The following DGKG variants were observed in gnomAD, a reference collection of about 807,000 sequenced individuals.
The protein encoded by DGKG is DAG kinase gamma.
In DGKG, 78 loss-of-function variants were observed where a neutral mutation model predicts 105.3. The ratio of observed to expected loss-of-function variants is 0.74; its 90% confidence interval spans 0.62 to 0.89. The LOEUF (loss-of-function observed/expected upper bound fraction) is 0.89, where lower values mean the gene tolerates loss of function less well. Ranked by LOEUF, DGKG falls within the 40% of genes least tolerant of loss-of-function variation. DGKG has a pLI of 0.00. For missense variants in DGKG, 958 were observed against 1,020.1 expected (o/e 0.94, Z 0.83); for synonymous variants, 346 against 367.1 (o/e 0.94, Z 0.66).
chr3:186,171,438 G>C (rs1315989171), intron 22 of DGKG, among the ~76,000 whole-genome samples: 5 of 152,178 alleles, frequency 3.3e-5, no homozygotes, highest in African/African-American at 1.2e-4. Context: ...TACCAAAACA[G>C]ATGCTCAAGT....
chr3:186,156,532 C>A (rs9878637), intron 24 of DGKG, among the ~76,000 whole-genome samples: 1 of 151,720 alleles, frequency 6.6e-6, no homozygotes, highest in Admixed American at 6.6e-5. Flanking sequence ...TAATATCTTG[C>A]GAGAAGTTAT....
chr3:186,228,659 C>T (rs113274309), intron 20 of DGKG, among the ~76,000 whole-genome samples: 17 of 152,328 alleles, frequency 1.1e-4, no homozygotes, highest in African/African-American at 4.1e-4. Flanking sequence ...TTCTCCCATA[C>T]TGCTTCCCTC....
intron 1 of DGKG, among the ~76,000 whole-genome samples, chr3:186,336,085 C>T (rs929535035): frequency 3.3e-5 from 5 of 152,170 alleles, no homozygotes; most frequent in Admixed American, 3.3e-4. Context: ...ATGTCCCCTT[C>T]TTGGGCAGCC....
At chr3:186,262,773 C>T (rs548103756) in intron 14 of DGKG, among the ~76,000 whole-genome samples, 6 of 152,136 alleles carry the variant, frequency 3.9e-5, no homozygotes, top group African/African-American at 1.4e-4. Flanking sequence ...TGGGTCTGCT[C>T]GTGCTTGTTT....
At chr3:186,267,857 G>A (rs1722129994) in intron 12 of DGKG, 80 bp from the exon 13 acceptor site, 2 of 1,339,622 alleles carry the variant, frequency 1.5e-6, no homozygotes, top group South Asian at 2.4e-5. Flanking sequence ...GTTTGGGGGA[G>A]AGGTGAGCTG....
chr3:186,251,310 G>A (rs973804549), intron 19 of DGKG, among the ~76,000 whole-genome samples: 4 of 152,102 alleles, frequency 2.6e-5, no homozygotes, highest in Non-Finnish European at 4.4e-5. Flanking sequence ...GAGAGAATAG[G>A]AGAGAAGGAA....
chr3:186,292,763 G>A (rs916698591), intron 5 of DGKG, among the ~76,000 whole-genome samples: 10 of 151,838 alleles, frequency 6.6e-5, no homozygotes, highest in African/African-American at 1.5e-4. Context: ...AACTGCGATC[G>A]TGCCACTGCA....
chr3:186,188,125 G>A (rs752834789), intron 22 of DGKG, 77 bp downstream of exon 22: 19 of 1,539,108 alleles, frequency 1.2e-5, no homozygotes, highest in Non-Finnish European at 1.5e-5. Context: ...GGGGCCTTAC[G>A]AGGCCTGCTG....
intron 16 of DGKG, among the ~76,000 whole-genome samples, chr3:186,259,234 G>A (rs950626177): frequency 2.0e-5 from 3 of 152,190 alleles, no homozygotes; most frequent in Admixed American, 6.5e-5. Context: ...CACCTGGCTC[G>A]TCGTCTCAGA....
chr3:186,183,296 A>G (rs1298377155), intron 22 of DGKG, among the ~76,000 whole-genome samples: 1 of 152,140 alleles, frequency 6.6e-6, no homozygotes, highest in East Asian at 1.9e-4. Context: ...ATTTTCCTCA[A>G]CTATGAAATA....
At chr3:186,230,007 C>G (rs935328991) in intron 20 of DGKG, among the ~76,000 whole-genome samples, 7 of 152,220 alleles carry the variant, frequency 4.6e-5, no homozygotes, top group African/African-American at 1.7e-4. Context: ...CGCCTGTAAT[C>G]TCAGCACTTT....
chr3:186,235,459 G>T (rs1453316402), intron 20 of DGKG, among the ~76,000 whole-genome samples: 2 of 152,162 alleles, frequency 1.3e-5, no homozygotes, highest in Non-Finnish European at 2.9e-5. Flanking sequence ...GACTTTGATG[G>T]CAAGGATTTT....
intron 19 of DGKG, among the ~76,000 whole-genome samples, chr3:186,249,436 T>C (rs1261092025): frequency 2.0e-5 from 3 of 152,350 alleles, no homozygotes; most frequent in Middle Eastern, 6.8e-3. Context: ...ATAATGCCCT[T>C]CAGAATATAT....
chr3:186,285,664 ATTCT>A (rs1434068858), intron 6 of DGKG, among the ~76,000 whole-genome samples: 87 of 146,112 alleles, frequency 6.0e-4, no homozygotes, highest in African/African-American at 2.0e-3. Context: ...TTTTCCTGCT[ATTCT>A]TTCTTTCTTT....
rs193159621 is a variant in DGKG, at chr3:186,227,144, C to G, written c.1827-15259G>C. On this transcript the variant is annotated intron_variant, in intron 20 of 24. Transcript: ENST00000265022. ...TAAAGTCCCATCCAAAGCTAGGAGT[C>G]TATAAGTTACTATTACAGACAGGAA... is the stretch of plus-strand genomic sequence containing the variant. 3.3e-5 allele frequency among the ~76,000 whole-genome samples: 5 copies of G among 152,242 alleles called. No homozygotes were observed. The East Asian group carries it at 9.6e-4, about 29-fold the overall frequency.
At chr3:186,320,323 A>AGATCAT in intron 2 of DGKG, 70 bp downstream of exon 2, 2 of 1,595,392 alleles carry the variant, frequency 1.3e-6, no homozygotes, top group South Asian at 2.2e-5. Context: ...TCATACTGCT[A>AGATCAT]TGCTTTCCAG....
At chr3:186,293,241 C>T (rs758994259) in intron 5 of DGKG, among the ~76,000 whole-genome samples, 1 of 152,184 alleles carries the variant, frequency 6.6e-6, no homozygotes, top group African/African-American at 2.4e-5. Flanking sequence ...AGAGTAGTTT[C>T]GCTGCCCTAA....
Position 186,320,469 on chromosome 3 carries a change from T to A in DGKG, c.-10A>T, listed in dbSNP as rs769810604. ...ACCGTTCTTCACCCATTTTTAAACT[T>A]TATGTGAGTGGCTAAAGGGCAGTGA... is the stretch of plus-strand genomic sequence containing the variant. On this transcript the variant is annotated 5_prime_UTR_variant, in exon 2 of 25. Coordinates refer to ENST00000265022, the MANE Select transcript of DGKG (RefSeq NM_001346.3). The A allele has an allele frequency of 3.7e-6, 6 of 1,614,156 alleles. No individual in the cohort carries two copies. In the Middle Eastern group the frequency reaches 4.9e-4, roughly 133 times the overall value.
intron 1 of DGKG, among the ~76,000 whole-genome samples, chr3:186,342,386 G>C (rs1366292444): frequency 6.6e-6 from 1 of 152,126 alleles, no homozygotes; most frequent in Non-Finnish European, 1.5e-5. Context: ...CTGTTATTCT[G>C]TCATAAGGGA....
Sources: allele counts gnomAD v4.1 joint callset (sites outside exome capture counted in the v4.1 genomes callset), GRCh38; gene constraint gnomAD v4.1.1; transcripts MANE v1.5; gene names NCBI Gene and HGNC (gene_info 2026-07-23, HGNC 2026-07-21).